The following CCDC85A variants were observed in gnomAD, a reference collection of about 807,000 sequenced individuals.
The protein encoded by CCDC85A is coiled-coil domain-containing protein 85A.
In CCDC85A, 38 loss-of-function variants were observed where a neutral mutation model predicts 50.2. The ratio of observed to expected loss-of-function variants is 0.76; its 90% confidence interval spans 0.58 to 0.99. The LOEUF is 0.99. Ranked by LOEUF, CCDC85A falls within the 50% of genes least tolerant of loss-of-function variation. The probability of loss-of-function intolerance (pLI) is 0.00; values close to 1 mark genes in which losing one functional copy is unlikely to be tolerated. For missense variants in CCDC85A, 820 were observed against 742.0 expected (o/e 1.11, Z -1.22); for synonymous variants, 366 against 301.4 (o/e 1.21, Z -2.22).
rs531561120 is a variant in CCDC85A, at chr2:56,184,192, G to A, written c.-433G>A. The A allele has an allele frequency of 1.6e-5, 16 of 989,614 alleles. No homozygotes were observed. In the South Asian group the frequency reaches 5.6e-4, roughly 35 times the overall value. The allele number at this position is 989,614 out of a possible 1,614,324, so 61.3% of individuals were successfully genotyped here. ...AGCCGGGGGCTGCAGCTGGGCAAGG[G>A]GGAGGAAAGTGCGTGTGCGTGCACG... is the stretch of plus-strand genomic sequence containing the variant. On this transcript the variant is annotated 5_prime_UTR_variant, in exon 1 of 6. Transcript: ENST00000407595.
chr2:56,193,095 G>C lies in CCDC85A; in HGVS notation c.895G>C (p.Gly299Arg). 1 of 1,613,898 alleles carries C rather than the reference G, an allele frequency of 6.2e-7. No individual in the cohort carries two copies. Among genetic ancestry groups the C allele is most frequent in the Non-Finnish European group, 8.5e-7 (1 of 1,179,872 alleles). Residue 299 changes from glycine to arginine, a missense_variant, in exon 2 of 6, where the codon GGG becomes CGG. Transcript: ENST00000407595. ...CGAACAGCAAAGGCACCCGCATCCA[G>C]GGAGCAGCCCCGAAACGCTGCCCAA... ...SPEQQRHPHP[G>R]SSPETLPKHV...
chr2:56,361,914 C>T (rs906598645), intron 3 of CCDC85A, among the ~76,000 whole-genome samples: 3 of 152,104 alleles, frequency 2.0e-5, no homozygotes, highest in Non-Finnish European at 2.9e-5. Flanking sequence ...CATTGGTACA[C>T]TCATTAGGGA....
At chr2:56,199,483 T>C (rs1209534500) in intron 2 of CCDC85A, among the ~76,000 whole-genome samples, 6 of 152,206 alleles carry the variant, frequency 3.9e-5, no homozygotes, top group African/African-American at 1.2e-4. Flanking sequence ...CAGGCTGAAA[T>C]TTATCACCTT....
At chr2:56,231,578 T>G (rs1668774667) in intron 2 of CCDC85A, among the ~76,000 whole-genome samples, 1 of 152,156 alleles carries the variant, frequency 6.6e-6, no homozygotes, top group Admixed American at 6.5e-5. Context: ...AATGAGTCAG[T>G]TGGGTAAAAG....
At chr2:56,187,083 T>A (rs1031977111) in intron 1 of CCDC85A, among the ~76,000 whole-genome samples, 1 of 152,200 alleles carries the variant, frequency 6.6e-6, no homozygotes, top group Admixed American at 6.5e-5. Context: ...TTCTCTTTTT[T>A]ATTTTGGCTC....
At chr2:56,352,032 AG>A (rs1335660243) in intron 3 of CCDC85A, among the ~76,000 whole-genome samples, 1 of 152,150 alleles carries the variant, frequency 6.6e-6, no homozygotes, top group Non-Finnish European at 1.5e-5. Context: ...TTTTTGTATA[AG>A]GTGTAAGGAA....
At chr2:56,375,017 T>C (rs538169112) in intron 4 of CCDC85A, among the ~76,000 whole-genome samples, 3 of 152,332 alleles carry the variant, frequency 2.0e-5, no homozygotes, top group South Asian at 4.1e-4. Context: ...AAAATAGATT[T>C]GGAAAATTCC....
chr2:56,371,900 AC>A (rs1006362008), intron 3 of CCDC85A, among the ~76,000 whole-genome samples: 2 of 152,160 alleles, frequency 1.3e-5, no homozygotes, highest in African/African-American at 4.8e-5. Context: ...GAATATGTAT[AC>A]CCAAATTTCA....
chr2:56,365,744 G>T (rs753087098), intron 3 of CCDC85A, among the ~76,000 whole-genome samples: 7 of 152,068 alleles, frequency 4.6e-5, no homozygotes, highest in Admixed American at 6.5e-5. Flanking sequence ...ACATCAGTTC[G>T]CATAGTTATC....
At chr2:56,187,444 T>C (rs1451784145) in intron 1 of CCDC85A, among the ~76,000 whole-genome samples, 1 of 152,146 alleles carries the variant, frequency 6.6e-6, no homozygotes, top group Non-Finnish European at 1.5e-5. Flanking sequence ...TTGACTTGTT[T>C]GTGTTTAGAT....
chr2:56,227,412 T>C (rs1668587414), intron 2 of CCDC85A, among the ~76,000 whole-genome samples: 2 of 152,176 alleles, frequency 1.3e-5, no homozygotes. Flanking sequence ...AATGATTTTA[T>C]TAGTTGTGGA....
chr2:56,224,649 T>C (rs573041426), intron 2 of CCDC85A, among the ~76,000 whole-genome samples: 1 of 152,286 alleles, frequency 6.6e-6, no homozygotes, highest in South Asian at 2.1e-4. Context: ...ATAACCTTCA[T>C]AGTGGATATG....
At chr2:56,195,151 A>T (rs1052361861) in intron 2 of CCDC85A, among the ~76,000 whole-genome samples, 1 of 152,228 alleles carries the variant, frequency 6.6e-6, no homozygotes, top group African/African-American at 2.4e-5. Flanking sequence ...CACTTAAAAA[A>T]CACTTTCTCT....
At chr2:56,259,901 A>AGG (rs1558610844) in intron 2 of CCDC85A, among the ~76,000 whole-genome samples, 1 of 152,206 alleles carries the variant, frequency 6.6e-6, no homozygotes, top group Non-Finnish European at 1.5e-5. Flanking sequence ...CTTAAGGGCC[A>AGG]GGTTGATAGC....
intron 2 of CCDC85A, among the ~76,000 whole-genome samples, chr2:56,249,728 C>T (rs139976850): frequency 6.6e-6 from 1 of 152,328 alleles, no homozygotes; most frequent in East Asian, 1.9e-4. Context: ...GCTGGTCTCC[C>T]CACATCTGGT....
intron 2 of CCDC85A, among the ~76,000 whole-genome samples, chr2:56,312,501 C>T (rs961263644): frequency 6.6e-6 from 1 of 152,056 alleles, no homozygotes; most frequent in African/African-American, 2.4e-5. Context: ...ACCATGTATG[C>T]TGCCCATAAT....
At chr2:56,378,472 G>T (rs1573375012) in intron 5 of CCDC85A, among the ~76,000 whole-genome samples, 2 of 152,266 alleles carry the variant, frequency 1.3e-5, no homozygotes, top group Admixed American at 1.3e-4. Flanking sequence ...CAAATTTGTA[G>T]GTAAATGAGC....
chr2:56,331,624 AT>A (rs140058003), intron 2 of CCDC85A, among the ~76,000 whole-genome samples: 58 of 152,160 alleles, frequency 3.8e-4, no homozygotes, highest in African/African-American at 1.4e-3. Context: ...GACCCTAATA[AT>A]TTTTTTCTGG....
At chr2:56,229,269 CG>C (rs1426637784) in intron 2 of CCDC85A, among the ~76,000 whole-genome samples, 1 of 152,136 alleles carries the variant, frequency 6.6e-6, no homozygotes, top group African/African-American at 2.4e-5. Context: ...CTTAATTATA[CG>C]TGATTAAGAC....
Sources: gnomAD v4.1 joint callset for allele counts (sites outside exome capture counted in the v4.1 genomes callset) on GRCh38, gnomAD v4.1.1 for gene constraint, MANE v1.5 for transcripts, NCBI Gene and HGNC (gene_info 2026-07-23, HGNC 2026-07-21) for gene names.